ASTN2: variants seen among roughly 807,000 people sequenced by gnomAD.
ASTN2 encodes the protein astrotactin-2.
A neutral mutation model predicts 139.8 loss-of-function variants in ASTN2; 54 were observed. That is an observed-to-expected ratio of 0.39 (90% CI 0.31 to 0.48). The LOEUF (loss-of-function observed/expected upper bound fraction) is 0.48. ASTN2 is among the 20% of genes least tolerant of loss of function. The pLI is 0.95. For missense variants in ASTN2, 1,565 were observed against 1,725.1 expected (o/e 0.91, Z 1.64); for synonymous variants, 756 against 719.5 (o/e 1.05, Z -0.81).
intron 5 of ASTN2, among the ~76,000 whole-genome samples, chr9:117,053,279 C>T (rs1838965268): frequency 6.6e-6 from 1 of 151,918 alleles, no homozygotes. Flanking sequence ...TAGCAAGACC[C>T]CATCTCTACA....
At chr9:116,696,715 T>C (rs1435126661) in intron 16 of ASTN2, among the ~76,000 whole-genome samples, 3 of 152,210 alleles carry the variant, frequency 2.0e-5, no homozygotes, top group Non-Finnish European at 4.4e-5. Context: ...TTATAAAGTT[T>C]GAATATCTGA....
chr9:117,017,827 T>C (rs1279026917), intron 6 of ASTN2, among the ~76,000 whole-genome samples: 1 of 152,158 alleles, frequency 6.6e-6, no homozygotes, highest in African/African-American at 2.4e-5. Context: ...TCCATGTTTA[T>C]GTGCATACAC....
intron 16 of ASTN2, among the ~76,000 whole-genome samples, chr9:116,719,519 T>TG: frequency 6.6e-6 from 1 of 152,244 alleles, no homozygotes; most frequent in African/African-American, 2.4e-5. Context: ...AAACAGATAA[T>TG]GGTGCTTCTC....
chr9:116,620,810 A>G (rs1856104652), intron 17 of ASTN2, among the ~76,000 whole-genome samples: 1 of 152,210 alleles, frequency 6.6e-6, no homozygotes, highest in Admixed American at 6.5e-5. Context: ...CAGAAAGTAA[A>G]TAACTTGACT....
At chr9:116,606,500 G>A (rs1432816722) in intron 19 of ASTN2, among the ~76,000 whole-genome samples, 7 of 152,168 alleles carry the variant, frequency 4.6e-5, no homozygotes, top group South Asian at 2.1e-4. Context: ...GCATGAGCTC[G>A]TGGATAAATA....
chr9:117,022,311 A>C (rs894449629), intron 6 of ASTN2, among the ~76,000 whole-genome samples: 8 of 152,164 alleles, frequency 5.3e-5, no homozygotes, highest in African/African-American at 1.9e-4. Flanking sequence ...GGAAATTAGT[A>C]AGTGCTACTA....
intron 10 of ASTN2, among the ~76,000 whole-genome samples, chr9:116,897,811 T>C (rs968350852): frequency 3.3e-5 from 5 of 152,066 alleles, no homozygotes; most frequent in Non-Finnish European, 7.4e-5. Flanking sequence ...GTAGGTTACA[T>C]ATCTGGAAAA....
intron 3 of ASTN2, among the ~76,000 whole-genome samples, chr9:117,161,385 G>A (rs1288776418): frequency 6.6e-6 from 1 of 151,898 alleles, no homozygotes. Flanking sequence ...GAAAGAAAAG[G>A]CGTTTTTTTT....
intron 1 of ASTN2, among the ~76,000 whole-genome samples, chr9:117,323,757 T>C (rs1587947280): frequency 6.6e-6 from 1 of 152,178 alleles, no homozygotes; most frequent in South Asian, 2.1e-4. Flanking sequence ...GCAAACATTC[T>C]AATTTCTTTT....
intron 6 of ASTN2, among the ~76,000 whole-genome samples, chr9:117,013,697 G>A (rs958124963): frequency 5.9e-5 from 9 of 152,024 alleles, no homozygotes; most frequent in Non-Finnish European, 7.4e-5. Context: ...GATCAGGGGT[G>A]AGCTGGGGAG....
chr9:116,542,269 G>T (rs868100235), intron 19 of ASTN2, among the ~76,000 whole-genome samples: 1 of 152,088 alleles, frequency 6.6e-6, no homozygotes, highest in African/African-American at 2.4e-5. Context: ...AAGAAAGTTT[G>T]ACAAATTTAC....
chr9:117,255,025 C>T (rs897365002), intron 2 of ASTN2, among the ~76,000 whole-genome samples: 1 of 152,188 alleles, frequency 6.6e-6, no homozygotes, highest in Non-Finnish European at 1.5e-5. Context: ...TAAATCCTAC[C>T]TAATCCTAGT....
At chr9:116,631,466 A>G (rs1588113527) in intron 17 of ASTN2, among the ~76,000 whole-genome samples, 1 of 152,232 alleles carries the variant, frequency 6.6e-6, no homozygotes, top group Non-Finnish European at 1.5e-5. Flanking sequence ...AGCCAGCTAC[A>G]GAAAGAAAAA....
chr9:117,245,827 C>G (rs937779581), intron 2 of ASTN2, among the ~76,000 whole-genome samples: 6 of 152,150 alleles, frequency 3.9e-5, no homozygotes, highest in Admixed American at 2.0e-4. Flanking sequence ...TAGGTCTCTG[C>G]TCTTTAGGTC....
At chr9:117,183,207 C>T (rs934499778) in intron 3 of ASTN2, among the ~76,000 whole-genome samples, 5 of 152,136 alleles carry the variant, frequency 3.3e-5, no homozygotes, top group African/African-American at 1.2e-4. Context: ...CTGATTTTCT[C>T]ATTAGAGGAT....
At chr9:116,803,384 T>G (rs761779731) in intron 13 of ASTN2, among the ~76,000 whole-genome samples, 1 of 147,938 alleles carries the variant, frequency 6.8e-6, no homozygotes, top group Non-Finnish European at 1.5e-5. Context: ...GGCATGATCA[T>G]AGCTCACTGT....
intron 2 of ASTN2, among the ~76,000 whole-genome samples, chr9:117,272,643 C>A (rs941075741): frequency 7.9e-5 from 12 of 152,176 alleles, no homozygotes; most frequent in South Asian, 4.1e-4. Context: ...TTAGAAATTT[C>A]TTCTACCAGA....
At chr9:117,372,617 T>A (rs1009008132) in intron 1 of ASTN2, among the ~76,000 whole-genome samples, 1 of 152,144 alleles carries the variant, frequency 6.6e-6, no homozygotes, top group African/African-American at 2.4e-5. Context: ...TTAAATGAGA[T>A]GATAAATACA....
At chr9:117,226,840 C>A (rs111302789) in intron 2 of ASTN2, among the ~76,000 whole-genome samples, 247 of 152,258 alleles carry the variant, frequency 1.6e-3, no homozygotes, top group African/African-American at 5.3e-3. Context: ...GAGCCTTCAT[C>A]CTTTGCTCAG....
Sources: gnomAD v4.1 joint callset for allele counts (sites outside exome capture counted in the v4.1 genomes callset) on GRCh38, gnomAD v4.1.1 for gene constraint, MANE v1.5 for transcripts, NCBI Gene and HGNC (gene_info 2026-07-23, HGNC 2026-07-21) for gene names.